TGM5: variants seen among roughly 807,000 people sequenced by gnomAD.
TGM5 encodes protein-glutamine gamma-glutamyltransferase 5.
Under a neutral mutation model 77.2 loss-of-function variants are expected in TGM5, and 69 were observed. That is an observed-to-expected ratio of 0.89 (90% CI 0.74 to 1.09). TGM5 has a LOEUF of 1.09. Ranked by LOEUF, TGM5 falls within the 50% of genes least tolerant of loss-of-function variation. TGM5 has a pLI of 0.00. For synonymous variants in TGM5, 346 were observed against 351.8 expected (o/e 0.98, Z 0.18); for missense variants, 842 against 896.5 (o/e 0.94, Z 0.78).
intron 4 of TGM5, among the ~76,000 whole-genome samples, chr15:43,255,059 C>T (rs535587038): frequency 3.3e-5 from 5 of 152,234 alleles, no homozygotes; most frequent in Admixed American, 1.3e-4. Flanking sequence ...ATGGGCCAGG[C>T]GCGATGGCAC....
At chr15:43,255,177 TA>T (rs1229871577) in intron 4 of TGM5, among the ~76,000 whole-genome samples, 2 of 151,388 alleles carry the variant, frequency 1.3e-5, no homozygotes, top group African/African-American at 4.9e-5. Flanking sequence ...CTGCAAAAAA[TA>T]AAAAAATTAG....
At chr15:43,259,709 CATAA>C (rs1306928016) in intron 3 of TGM5, among the ~76,000 whole-genome samples, 1 of 152,038 alleles carries the variant, frequency 6.6e-6, no homozygotes, top group Non-Finnish European at 1.5e-5. Context: ...TCCTTCATTC[CATAA>C]ATACTCAGTG....
At position 43,233,518 on chromosome 15, in the gene TGM5, A is replaced by C. The variant is rs752609596; in HGVS notation, c.2009+36T>G. 2.5e-6 allele frequency: 4 copies of C among 1,613,824 alleles called. No homozygotes were observed. In the East Asian group the frequency reaches 6.7e-5, roughly 27 times the overall value. ...AAGGATAGTGCTAATCTCAGGGGGGAAAAACAGGAGAAGGCTGAGCACTTG... is the reference window on the plus strand; with the variant it reads ...AAGGATAGTGCTAATCTCAGGGGGGCAAAACAGGAGAAGGCTGAGCACTTG... On this transcript the variant is annotated intron_variant, in intron 12 of 12. Coordinates refer to ENST00000220420, the MANE Select transcript of TGM5 (RefSeq NM_201631.4).
At chr15:43,235,312 AGG>A (rs2042580189) in intron 10 of TGM5, among the ~76,000 whole-genome samples, 155 bp downstream of exon 10, 1 of 144,154 alleles carries the variant, frequency 6.9e-6, no homozygotes, top group South Asian at 2.4e-4. Flanking sequence ...GAAGGAAGGA[AGG>A]GGGAAGGAGA....
intron 1 of TGM5, among the ~76,000 whole-genome samples, chr15:43,264,535 T>C (rs960530860): frequency 6.6e-6 from 1 of 152,182 alleles, no homozygotes; most frequent in Non-Finnish European, 1.5e-5. Flanking sequence ...TATTATATGA[T>C]TATATTTATA....
In TGM5 at chr15:43,234,943, A is replaced by G. The variant is rs1184641954; in HGVS notation, c.1715-14T>C. The G allele has an allele frequency of 6.2e-7, 1 of 1,613,680 alleles. No homozygotes were observed. Among genetic ancestry groups the G allele is most frequent in the East Asian group, 2.2e-5 (1 of 44,876 alleles). Reference sequence around the variant, plus strand: ...GGTAGGTCTTTGCTAAAGAAAGAACACAAGGATGGGGTGAGAGTAGCTGAG... The same window carrying G: ...GGTAGGTCTTTGCTAAAGAAAGAACGCAAGGATGGGGTGAGAGTAGCTGAG... On this transcript the variant is annotated splice_polypyrimidine_tract_variant and intron_variant, in intron 10 of 12. Transcript: ENST00000220420.
At position 43,262,512 on chromosome 15, in the gene TGM5, C is replaced by T. The variant is rs527325875; in HGVS notation, c.11-1933G>A. Among the ~76,000 whole-genome samples the T allele has an allele frequency of 2.6e-5, 4 of 152,172 alleles. No individual in the cohort carries two copies. In the South Asian group the frequency reaches 6.2e-4, roughly 24 times the overall value. ...GAATAGAAGGGGACTTCCAGCCGGG[C>T]GTGGTGGCTCACACCTATAATTTCA... On this transcript the variant is annotated intron_variant, in intron 1 of 12. Transcript: ENST00000220420.
At chr15:43,236,950 C>G (rs1208271549) in intron 9 of TGM5, among the ~76,000 whole-genome samples, 4 of 126,346 alleles carry the variant, frequency 3.2e-5, no homozygotes, top group African/African-American at 1.3e-4. Flanking sequence ...GCCTAGGTGA[C>G]AGAGCAAGAC....
intron 4 of TGM5, among the ~76,000 whole-genome samples, chr15:43,254,691 G>A (rs1420564478): frequency 6.6e-6 from 1 of 152,056 alleles, no homozygotes. Context: ...CCAAATGTCT[G>A]CAGCGGGCCA....
chr15:43,266,137 C>G (rs1365746229), intron 1 of TGM5, among the ~76,000 whole-genome samples: 1 of 152,208 alleles, frequency 6.6e-6, no homozygotes, highest in Non-Finnish European at 1.5e-5. Context: ...ATTTATTTTA[C>G]TCCAACTATG....
At chr15:43,249,153 C>T (rs1221592500) in intron 6 of TGM5, among the ~76,000 whole-genome samples, 2 of 152,172 alleles carry the variant, frequency 1.3e-5, no homozygotes, top group Non-Finnish European at 2.9e-5. Flanking sequence ...TAGTACCTCC[C>T]AACCCTCAGC....
intron 11 of TGM5, 27 bp downstream of exon 11, chr15:43,234,742 C>T: frequency 6.2e-6 from 10 of 1,614,018 alleles, no homozygotes; most frequent in Non-Finnish European, 6.8e-6. Flanking sequence ...AGGAGCCCCA[C>T]AAGCCATTTG....
chr15:43,258,369 T>C (rs2042758792), intron 3 of TGM5, among the ~76,000 whole-genome samples: 1 of 152,166 alleles, frequency 6.6e-6, no homozygotes, highest in Non-Finnish European at 1.5e-5. Context: ...CAAATCTGTA[T>C]GTGTACCCCT....
chr15:43,244,452 C>A (rs1434262391), intron 6 of TGM5, among the ~76,000 whole-genome samples: 1 of 152,100 alleles, frequency 6.6e-6, no homozygotes, highest in African/African-American at 2.4e-5. Flanking sequence ...CTGAGTCCCT[C>A]GTGAAAGAGA....
At position 43,234,882 on chromosome 15, in the gene TGM5, GGTACTGGCT is replaced by G. The variant is rs762447529; in HGVS notation, c.1753_1761del (p.Ser585_Tyr587del). ...ATGCGGATCAGCTTGTCTGTTGACA[GGTACTGGCT>G]GTACTGGGAATAGGAGATTTTGCAG... On this transcript the variant is annotated inframe_deletion, in exon 11 of 13. Coordinates refer to ENST00000220420, the MANE Select transcript of TGM5 (RefSeq NM_201631.4). 6.2e-7 allele frequency: 1 copy of G among 1,614,220 alleles called. No individual in the cohort carries two copies. Among genetic ancestry groups the G allele is most frequent in the Non-Finnish European group, 8.5e-7 (1 of 1,180,042 alleles).
rs756573586 is a variant in TGM5 at position 43,239,203 on chromosome 15, G to T, written c.1065C>A (p.Gly355=). 4.3e-6 allele frequency: 7 copies of T among 1,614,148 alleles called. No individual in the cohort carries two copies. In the South Asian group the frequency reaches 7.7e-5, roughly 18 times the overall value. The change falls in exon 8 of 13, where the codon GGC becomes GGA. Residue 355 remains glycine (G), a synonymous_variant. Transcript: ENST00000220420. ...GAGGTGTGGCGTCCAGCACCTGCCA[G>T]CCTCCATATGCAGGGGGCAGATCCT... ...ARKDLPPAYG[G]WQVLDATPQE...
rs575345413 is a variant in TGM5, at chr15:43,246,820, C to T, written c.863-5830G>A. Reference sequence around the variant, plus strand: ...GCCAGATAAAGCAATAGAGTGGAGACGCCTCATAATACATAGGGCATTTGA... The same window carrying T: ...GCCAGATAAAGCAATAGAGTGGAGATGCCTCATAATACATAGGGCATTTGA... On this transcript the variant is annotated intron_variant, in intron 6 of 12. Coordinates refer to ENST00000220420, the MANE Select transcript of TGM5 (RefSeq NM_201631.4). Among the ~76,000 whole-genome samples the T allele has an allele frequency of 9.2e-5, 14 of 152,194 alleles. No individual in the cohort carries two copies. In the East Asian group the frequency reaches 1.2e-3, roughly 13 times the overall value.
intron 6 of TGM5, among the ~76,000 whole-genome samples, chr15:43,246,950 G>C (rs1338199308): frequency 6.6e-6 from 1 of 152,076 alleles, no homozygotes; most frequent in Non-Finnish European, 1.5e-5. Context: ...AAACCTCAAG[G>C]AGTTTGAGAC....
chr15:43,258,568 T>G (rs1297353620), intron 3 of TGM5, among the ~76,000 whole-genome samples: 1 of 152,066 alleles, frequency 6.6e-6, no homozygotes, highest in African/African-American at 2.4e-5. Context: ...GCAGGAGGCG[T>G]CGTTGCTGAG....
Sources: gnomAD v4.1 joint callset for allele counts (sites outside exome capture counted in the v4.1 genomes callset) on GRCh38, gnomAD v4.1.1 for gene constraint, MANE v1.5 for transcripts, NCBI Gene and HGNC (gene_info 2026-07-23, HGNC 2026-07-21) for gene names.